CEP164: variants seen among roughly 807,000 people sequenced by gnomAD.
CEP164 encodes centrosomal protein of 164 kDa.
A neutral mutation model predicts 182.7 loss-of-function variants in CEP164; 162 were observed. The ratio of observed to expected loss-of-function variants is 0.89; its 90% confidence interval spans 0.78 to 1.01. CEP164 has a LOEUF of 1.01. Among genes scored for constraint, CEP164 ranks in the 50% least tolerant of loss-of-function variants. CEP164 has a pLI of 0.00. For synonymous variants in CEP164, 661 were observed against 690.0 expected (o/e 0.96, Z 0.66); for missense variants, 1,735 against 1,790.4 (o/e 0.97, Z 0.56).
intron 24 of CEP164, 51 bp downstream of exon 24, chr11:117,395,773 T>C: frequency 1.9e-6 from 3 of 1,552,136 alleles, no homozygotes; most frequent in Non-Finnish European, 2.6e-6. Flanking sequence ...CTGCCTGCCC[T>C]CTGACCTCTG....
At chr11:117,373,488 C>T (rs528320042) in intron 9 of CEP164, among the ~76,000 whole-genome samples, 1 of 152,214 alleles carries the variant, frequency 6.6e-6, no homozygotes, top group African/African-American at 2.4e-5. Flanking sequence ...GCTCCCCTTA[C>T]TCATGCAAGT....
chr11:117,356,021 A>G, intron 5 of CEP164: 6 of 1,141,012 alleles, frequency 5.3e-6, no homozygotes, highest in Non-Finnish European at 6.6e-6. Context: ...CAGCAGCAGC[A>G]ACAGCAACCT....
intron 4 of CEP164, among the ~76,000 whole-genome samples, chr11:117,346,583 G>A (rs893830065): frequency 1.3e-5 from 2 of 149,934 alleles, no homozygotes; most frequent in Non-Finnish European, 3.0e-5. Context: ...AAATAAGTTG[G>A]CCAGGCATGG....
At chr11:117,346,515 C>T (rs2038920023) in intron 4 of CEP164, among the ~76,000 whole-genome samples, 1 of 151,826 alleles carries the variant, frequency 6.6e-6, no homozygotes, top group Non-Finnish European at 1.5e-5. Flanking sequence ...CCTTGTCCTC[C>T]CAAAGTGCTG....
chr11:117,366,920 C>T (rs1458986821), intron 8 of CEP164, among the ~76,000 whole-genome samples: 1 of 152,214 alleles, frequency 6.6e-6, no homozygotes, highest in Non-Finnish European at 1.5e-5. Context: ...CTCTCCTGCT[C>T]TCTCCTCCTG....
intron 23 of CEP164, 100 bp downstream of exon 23, chr11:117,395,291 C>A (rs2045290643): frequency 3.5e-6 from 5 of 1,412,118 alleles, no homozygotes; most frequent in Non-Finnish European, 4.9e-6. Context: ...GTCCAGGGCA[C>A]TGGGGTTCCA....
chr11:117,399,758 G>A (rs2045930666), intron 27 of CEP164, among the ~76,000 whole-genome samples: 1 of 151,936 alleles, frequency 6.6e-6, no homozygotes, highest in Non-Finnish European at 1.5e-5. Flanking sequence ...TTTTTTTTAT[G>A]TGTTTGTTGG....
chr11:117,336,545 G>A, intron 2 of CEP164: 1 of 1,532,746 alleles, frequency 6.5e-7, no homozygotes, highest in Non-Finnish European at 8.9e-7. Flanking sequence ...TTGATAGGTG[G>A]TGGGTGGGCA....
Position 117,393,122 on chromosome 11 carries a change from C to G in CEP164, c.2612C>G (p.Ala871Gly). The G allele has an allele frequency of 6.2e-7, 1 of 1,612,462 alleles. No homozygotes were observed. The highest frequency in any genetic ancestry group is 8.5e-7 in the Non-Finnish European group (1 of 1,179,332). Reference sequence around the variant, plus strand: ...GCTAAGGCCAGAGAGCAGTATGAAGCTGAGGTAGCTCAGCCACATCCCCTG... The same window carrying G: ...GCTAAGGCCAGAGAGCAGTATGAAGGTGAGGTAGCTCAGCCACATCCCCTG... ...VMAKAREQYE[A>G]EERKQRAELL... Residue 871 changes from alanine (A) to glycine (G), a missense_variant, in exon 20 of 33, where the codon GCT (alanine) becomes GGT (glycine). Physicochemically the swap from Ala to Gly is moderately conservative, Grantham distance 60. Transcript: ENST00000278935.
At chr11:117,386,997 G>T in intron 14 of CEP164, 1 of 577,962 alleles carries the variant, frequency 1.7e-6, no homozygotes, top group Non-Finnish European at 3.1e-6. Flanking sequence ...TAGGCTCTTG[G>T]GGCCTTAAAC....
At chr11:117,403,791 C>T (rs553274883) in intron 27 of CEP164, among the ~76,000 whole-genome samples, 1 of 152,126 alleles carries the variant, frequency 6.6e-6, no homozygotes, top group Non-Finnish European at 1.5e-5. Flanking sequence ...TTAGGTACAC[C>T]AATCAAACGT....
chr11:117,408,937 A>G lies in CEP164; in HGVS notation c.3657A>G (p.Val1219=). Residue 1219 remains valine (V), a synonymous_variant, in exon 29 of 33, where the codon GTA becomes GTG. Transcript: ENST00000278935. ...GAGGATCCCCCACCAAGAAGGCAGTAACCTTCGACCTCAGTGACATGGACA... is the reference window on the plus strand; with the variant it reads ...GAGGATCCCCCACCAAGAAGGCAGTGACCTTCGACCTCAGTGACATGGACA... The part of the protein sequence containing the change: ...TLGGSPTKKA[V]TFDLSDMDSL... 1 of 1,614,166 alleles carries G rather than the reference A, an allele frequency of 6.2e-7. No individual in the cohort carries two copies. Among genetic ancestry groups the G allele is most frequent in the Non-Finnish European group, 8.5e-7 (1 of 1,180,026 alleles).
rs541217768 is a variant in CEP164 at position 117,394,473 on chromosome 11, C to A, written c.2740C>A (p.Arg914=). The A allele has an allele frequency of 2.5e-6, 4 of 1,613,824 alleles. No individual in the cohort carries two copies. In the South Asian group the frequency reaches 3.3e-5, roughly 13 times the overall value. The part of the protein sequence containing the change: ...QEQHKRLEDL[R]RRHREQERKL... ...GCAACACAAGCGTCTTGAGGACTTG[C>A]GGCGCCGGCACAGGGAGCAGGTGAG... The change falls in exon 21 of 33, where the codon CGG becomes AGG. Residue 914 remains arginine, a synonymous_variant. Transcript: ENST00000278935. This position sits in a 1 kb window ranked among gnomAD's most constrained non-coding sequence, Gnocchi z 4.0.
At chr11:117,412,016 A>G in intron 32 of CEP164, 56 bp from the exon 33 acceptor site, 2 of 1,611,790 alleles carry the variant, frequency 1.2e-6, no homozygotes, top group South Asian at 1.1e-5. Flanking sequence ...TGACCCTTTC[A>G]TGGCCCCTGC....
At chr11:117,356,691 C>G in intron 5 of CEP164, 1 of 1,193,574 alleles carries the variant, frequency 8.4e-7, no homozygotes, top group Non-Finnish European at 1.1e-6. Context: ...GATGTCTTAC[C>G]ACAGCCATCA....
At position 117,412,272 on chromosome 11, in the gene CEP164, C is replaced by A; in HGVS notation, c.*104C>A. On this transcript the variant is annotated 3_prime_UTR_variant, in exon 33 of 33. Coordinates refer to ENST00000278935, the MANE Select transcript of CEP164 (RefSeq NM_014956.5). ...CATCTGAGAAAGCACCCTCCTTCCC[C>A]CTTTGACTTGCAGGAGCCACCAGGG... is the stretch of plus-strand genomic sequence containing the variant. The A allele has an allele frequency of 1.9e-6, 2 of 1,039,480 alleles. No homozygotes were observed. Among genetic ancestry groups the A allele is most frequent in the East Asian group, 2.6e-5 (1 of 38,898 alleles). The allele number at this position is 1,039,480 out of a possible 1,614,324, so 64.4% of individuals were successfully genotyped here.
At position 117,407,592 on chromosome 11, in the gene CEP164, A is replaced by G. The variant is rs537561504; in HGVS notation, c.3502-333A>G. ...TGCCTGAGCCCAGGAAGTTGAGGCT[A>G]CAATGAGTTGTAATCAGGCCACTGC... is the stretch of plus-strand genomic sequence containing the variant. On this transcript the variant is annotated intron_variant, in intron 27 of 32. Coordinates refer to ENST00000278935, the MANE Select transcript of CEP164 (RefSeq NM_014956.5). Among the ~76,000 whole-genome samples, 41 of 152,022 alleles carry G rather than the reference A, an allele frequency of 2.7e-4. 1 individual carries two copies. Among genetic ancestry groups the G allele is most frequent in the African/African-American group, 9.4e-4 (39 of 41,468 alleles).
At chr11:117,385,838 C>T (rs982549407) in intron 14 of CEP164, 3 of 152,112 alleles carry the variant, frequency 2.0e-5, no homozygotes, top group East Asian at 1.9e-4. Flanking sequence ...ATTTCTGGTC[C>T]GAGTTATGAT....
intron 3 of CEP164, among the ~76,000 whole-genome samples, chr11:117,340,720 C>T (rs1175155384): frequency 6.6e-6 from 1 of 152,120 alleles, no homozygotes; most frequent in Non-Finnish European, 1.5e-5. Context: ...GATAGGCTCT[C>T]ACTGTGTTGC....
Sources: allele counts gnomAD v4.1 joint callset (sites outside exome capture counted in the v4.1 genomes callset), GRCh38; gene constraint gnomAD v4.1.1; non-coding constraint Gnocchi (gnomAD v3.1); transcripts MANE v1.5; gene names NCBI Gene and HGNC (gene_info 2026-07-23, HGNC 2026-07-21).